The following INPP4B variants were observed in gnomAD, a reference collection of about 807,000 sequenced individuals.
The protein encoded by INPP4B is inositol polyphosphate 4-phosphatase type II.
Under a neutral mutation model 122.5 loss-of-function variants are expected in INPP4B, and 55 were observed. That is an observed-to-expected ratio of 0.45 (90% CI 0.36 to 0.56). The LOEUF is 0.56. Among genes scored for constraint, INPP4B ranks in the 20% least tolerant of loss-of-function variants. The probability of loss-of-function intolerance (pLI) is 0.00; values close to 1 mark genes in which losing one functional copy is unlikely to be tolerated. For synonymous variants in INPP4B, 403 were observed against 388.7 expected, an observed-to-expected ratio of 1.04 and a Z score of -0.43; for missense variants, 1,000 against 1,097.7, an observed-to-expected ratio of 0.91 and a Z score of 1.26.
chr4:142,766,175 T>C (rs1772091280), intron 1 of INPP4B, among the ~76,000 whole-genome samples: 1 of 152,102 alleles, frequency 6.6e-6, no homozygotes, highest in South Asian at 2.1e-4. Context: ...ACAACAAACA[T>C]TATTTGTAGG....
intron 12 of INPP4B, among the ~76,000 whole-genome samples, chr4:142,221,405 A>G (rs1395336119): frequency 1.3e-5 from 2 of 150,648 alleles, no homozygotes; most frequent in South Asian, 2.1e-4. Flanking sequence ...AAAAAAAAAA[A>G]AAAAAAAAAA....
At chr4:142,214,832 C>T (rs185652511) in intron 12 of INPP4B, among the ~76,000 whole-genome samples, 4 of 152,094 alleles carry the variant, frequency 2.6e-5, no homozygotes, top group Non-Finnish European at 4.4e-5. Context: ...GGATTGCAGG[C>T]GTGAGCCACT....
chr4:142,751,283 CAAAAAAAAA>C (rs70949187), intron 1 of INPP4B, among the ~76,000 whole-genome samples: 1 of 105,100 alleles, frequency 9.5e-6, no homozygotes, highest in African/African-American at 3.2e-5. Context: ...TTAACTGTGT[CAAAAAAAAA>C]AAAAAAAAAA....
At chr4:142,513,405 GTCTC>G (rs1185540007) in intron 2 of INPP4B, among the ~76,000 whole-genome samples, 7 of 151,522 alleles carry the variant, frequency 4.6e-5, no homozygotes, top group Admixed American at 1.3e-4. Context: ...GCTCTCTGGG[GTCTC>G]TCTCTTTTTT....
At chr4:142,109,820 A>G (rs1460507617) in intron 22 of INPP4B, among the ~76,000 whole-genome samples, 1 of 152,082 alleles carries the variant, frequency 6.6e-6, no homozygotes, top group African/African-American at 2.4e-5. Context: ...ACCTTCTTTC[A>G]GGATAGGAAG....
At chr4:142,130,495 C>T (rs2152784650) in intron 18 of INPP4B, among the ~76,000 whole-genome samples, 1 of 152,188 alleles carries the variant, frequency 6.6e-6, no homozygotes, top group East Asian at 1.9e-4. Flanking sequence ...AAGGACGGCG[C>T]AGAGGATATG....
intron 25 of INPP4B, among the ~76,000 whole-genome samples, chr4:142,078,763 G>C (rs1391356073): frequency 6.6e-6 from 1 of 151,924 alleles, no homozygotes; most frequent in Non-Finnish European, 1.5e-5. Context: ...TGATAACCTT[G>C]GCGAACTTTA....
At chr4:142,483,942 G>A (rs1232220126) in intron 2 of INPP4B, among the ~76,000 whole-genome samples, 1 of 151,956 alleles carries the variant, frequency 6.6e-6, no homozygotes, top group African/African-American at 2.4e-5. Flanking sequence ...AAGTTGGTAA[G>A]AGCTAGAGAC....
intron 11 of INPP4B, among the ~76,000 whole-genome samples, chr4:142,257,507 T>G (rs529808292): frequency 2.0e-5 from 3 of 152,130 alleles, no homozygotes; most frequent in Admixed American, 6.5e-5. Flanking sequence ...TTCAGCAAAG[T>G]CTCAGGATAC....
At chr4:142,199,553 T>C (rs767410214) in intron 14 of INPP4B, among the ~76,000 whole-genome samples, 33 of 152,068 alleles carry the variant, frequency 2.2e-4, no homozygotes, top group Non-Finnish European at 3.5e-4. Context: ...TGTATTCAGG[T>C]TGGTTTTTCC....
chr4:142,421,912 C>T (rs537079574), intron 5 of INPP4B, among the ~76,000 whole-genome samples: 32 of 152,052 alleles, frequency 2.1e-4, no homozygotes, highest in Non-Finnish European at 3.5e-4. Flanking sequence ...TCCTCATCAC[C>T]TCCTGAAAAC....
chr4:142,395,287 A>C (rs1264363953), intron 7 of INPP4B, among the ~76,000 whole-genome samples: 1 of 152,222 alleles, frequency 6.6e-6, no homozygotes, highest in Admixed American at 6.5e-5. Flanking sequence ...AAATGTATGG[A>C]TAGTAGCATC....
chr4:142,477,470 G>GAA (rs60492626), intron 2 of INPP4B, among the ~76,000 whole-genome samples: 109 of 149,074 alleles, frequency 7.3e-4, no homozygotes, highest in African/African-American at 2.6e-3. Flanking sequence ...AAACTGGGAT[G>GAA]AAAAAAAAAT....
intron 1 of INPP4B, among the ~76,000 whole-genome samples, chr4:142,804,707 C>T (rs1778458874): frequency 1.3e-5 from 2 of 152,202 alleles, no homozygotes; most frequent in Non-Finnish European, 1.5e-5. Flanking sequence ...CACTCTGTTA[C>T]TCAGGCTGGA....
At chr4:142,041,945 T>G (rs1481433344) in intron 25 of INPP4B, among the ~76,000 whole-genome samples, 1 of 152,176 alleles carries the variant, frequency 6.6e-6, no homozygotes, top group Non-Finnish European at 1.5e-5. Flanking sequence ...CCACCTCAGA[T>G]CAGCTCTTCC....
intron 9 of INPP4B, among the ~76,000 whole-genome samples, chr4:142,296,334 GA>G (rs1442241604): frequency 6.6e-6 from 1 of 152,126 alleles, no homozygotes; most frequent in African/African-American, 2.4e-5. Context: ...AAATTATAAT[GA>G]AAAACAGTCT....
chr4:142,497,074 G>A (rs960757353), intron 2 of INPP4B: 8 of 152,046 alleles, frequency 5.3e-5, no homozygotes, highest in Non-Finnish European at 7.4e-5. Context: ...TAGGGGATTC[G>A]TTAGAGTTGT....
chr4:142,665,970 A>C (rs1185989415), intron 2 of INPP4B, among the ~76,000 whole-genome samples: 1 of 152,162 alleles, frequency 6.6e-6, no homozygotes, highest in Non-Finnish European at 1.5e-5. Context: ...TAGAAACAAT[A>C]ACAAATAATA....
chr4:142,586,723 T>C (rs1736287170), intron 2 of INPP4B, among the ~76,000 whole-genome samples: 1 of 152,088 alleles, frequency 6.6e-6, no homozygotes, highest in African/African-American at 2.4e-5. Context: ...TGAGAAAGTA[T>C]ATAGAAGAGG....
Sources: allele counts gnomAD v4.1 joint callset (sites outside exome capture counted in the v4.1 genomes callset), GRCh38; gene constraint gnomAD v4.1.1; transcripts MANE v1.5; gene names NCBI Gene and HGNC (gene_info 2026-07-23, HGNC 2026-07-21).